The following MAU2 variants were observed in gnomAD, a reference collection of about 807,000 sequenced individuals.
MAU2 encodes MAU2 chromatid cohesion factor homolog.
A neutral mutation model predicts 89.1 loss-of-function variants in MAU2; 9 were observed. The observed-to-expected ratio is 0.10, with a 90% CI of 0.06 to 0.18. MAU2 has a LOEUF of 0.18. Among genes scored for constraint, MAU2 ranks in the 10% least tolerant of loss-of-function variants. The pLI, the probability that MAU2 is intolerant of heterozygous loss-of-function variation, is 1.00. For missense variants in MAU2, 425 were observed against 803.5 expected (o/e 0.53, Z 5.69); for synonymous variants, 357 against 343.4 (o/e 1.04, Z -0.44).
chr19:19,355,025 C>G, intron 17 of MAU2: 1 of 475,482 alleles, frequency 2.1e-6, no homozygotes, highest in Non-Finnish European at 3.8e-6. Context: ...CCCTGGAGGG[C>G]TGGCGAGAAG....
At position 19,357,949 on chromosome 19, in the gene MAU2, G is replaced by T. The variant is rs1404295387; in HGVS notation, c.*2167G>T. 6.6e-6 allele frequency: 1 copy of T among 152,040 alleles called. No homozygotes were observed. The highest frequency in any genetic ancestry group is 2.4e-5 in the African/African-American group (1 of 41,376). 9.4% of individuals were successfully genotyped at this position (152,040 alleles called of 1,614,324 possible). On this transcript the variant is annotated 3_prime_UTR_variant, in exon 19 of 19. Coordinates refer to ENST00000262815, the MANE Select transcript of MAU2 (RefSeq NM_015329.4). ...TGCAAGAATAGAGGCCAGACACGGT[G>T]GCGCATGCCTGTAGTCCCAGCTAAC...
rs970396608 is a variant in MAU2, at chr19:19,340,975, C to T, written c.579+102C>T. 11 of 1,487,916 alleles carry T rather than the reference C, an allele frequency of 7.4e-6. No homozygotes were observed. The African/African-American group carries it at 9.7e-5, about 13-fold the overall frequency. The allele number at this position is 1,487,916 out of a possible 1,614,324, so 92.2% of individuals were successfully genotyped here. A position where few individuals can be genotyped will look rare whatever the true frequency, so the allele number is the denominator to read the frequency against. On this transcript the variant is annotated intron_variant, in intron 6 of 18. Transcript: ENST00000262815. ...ACCCCACCCACTCTCCATGGCATGG[C>T]CCCTTAGGCGCCCAGACCCTTAGGC...
intron 4 of MAU2, among the ~76,000 whole-genome samples, chr19:19,338,298 G>A (rs1308728363): frequency 6.6e-6 from 1 of 152,242 alleles, no homozygotes; most frequent in Admixed American, 6.5e-5. Context: ...CAGGCCGTGA[G>A]TCACCTCCCC....
chr19:19,325,237 G>A (rs930815600), intron 1 of MAU2, among the ~76,000 whole-genome samples: 3 of 152,016 alleles, frequency 2.0e-5, no homozygotes, highest in Non-Finnish European at 4.4e-5. Flanking sequence ...GTGCAATGGC[G>A]CAATCTTGGC....
Position 19,354,372 on chromosome 19 carries a change from G to A in MAU2, c.1566G>A (p.Val522=), listed in dbSNP as rs2048153361. Residue 522 remains valine, a synonymous_variant, in exon 17 of 19, where the codon GTG becomes GTA. Transcript: ENST00000262815. ...GTTGACAGGAGAGTAACAACATGGTGGTGCCTGCCATGCAGCTCGCCAGCA... is the reference window on the plus strand; with the variant it reads ...GTTGACAGGAGAGTAACAACATGGTAGTGCCTGCCATGCAGCTCGCCAGCA... ...LGNHRESNNM[V]VPAMQLASKI... is the part of the protein sequence containing the mutation. The A allele has an allele frequency of 6.2e-7, 1 of 1,613,866 alleles. No homozygotes were observed. The highest frequency in any genetic ancestry group is 1.1e-5 in the South Asian group (1 of 91,086).
chr19:19,341,029 G>A (rs911094758), intron 6 of MAU2, among the ~76,000 whole-genome samples, 156 bp downstream of exon 6: 4 of 152,170 alleles, frequency 2.6e-5, no homozygotes, highest in Admixed American at 6.5e-5. Context: ...TGTGAGGCCC[G>A]GGCCCTGCTG....
chr19:19,335,041 G>A (rs774101930), intron 1 of MAU2, among the ~76,000 whole-genome samples: 16 of 152,186 alleles, frequency 1.1e-4, no homozygotes, highest in Non-Finnish European at 1.9e-4. Flanking sequence ...CAGTGGCCTG[G>A]ACTAGCCTGG....
chr19:19,342,272 C>G lies in MAU2; in HGVS notation c.736-263C>G, dbSNP rs1026316527. On this transcript the variant is annotated intron_variant, in intron 7 of 18. Transcript: ENST00000262815. ...CAGCTCCAGCAGGGTCTGGATAGGCCTCTCCTGGGCCTTGGTGTTGGACCC... is the reference window on the plus strand; with the variant it reads ...CAGCTCCAGCAGGGTCTGGATAGGCGTCTCCTGGGCCTTGGTGTTGGACCC... 2.0e-5 allele frequency among the ~76,000 whole-genome samples: 3 copies of G among 152,180 alleles called. No individual in the cohort carries two copies. In the East Asian group the frequency reaches 5.8e-4, roughly 29 times the overall value.
chr19:19,342,404 C>T (rs2061657633), intron 7 of MAU2, 131 bp from the exon 8 acceptor site: 3 of 1,190,180 alleles, frequency 2.5e-6, no homozygotes, highest in Non-Finnish European at 3.4e-6. Context: ...GCGGCTTCAT[C>T]TTGCAGGAGG....
intron 1 of MAU2, among the ~76,000 whole-genome samples, chr19:19,329,975 A>T (rs540356175): frequency 6.6e-6 from 1 of 150,608 alleles, no homozygotes; most frequent in East Asian, 2.0e-4. Context: ...TTATTTATTT[A>T]TTTATTTATT....
intron 9 of MAU2, among the ~76,000 whole-genome samples, 194 bp downstream of exon 9, chr19:19,343,060 G>A (rs1267586914): frequency 3.3e-5 from 5 of 152,172 alleles, no homozygotes; most frequent in Admixed American, 3.3e-4. Context: ...GCCTGGGGTC[G>A]GGGGTACCTC....
Position 19,320,927 on chromosome 19 carries a change from A to G in MAU2, c.68A>G (p.Asp23Gly). 1 of 1,565,468 alleles carries G rather than the reference A, an allele frequency of 6.4e-7. No homozygotes were observed. The highest frequency in any genetic ancestry group is 1.2e-5 in the South Asian group (1 of 85,594). ...AAQAAQAEAADSWYLALLGFA... is the reference protein window; with the variant it reads ...AAQAAQAEAAGSWYLALLGFA... ...CAGGCTGCGCAGGCCGAGGCGGCCG[A>G]CTCGTGGTACCTGGCGCTTCTGGGC... The change falls in exon 1 of 19, where the codon GAC becomes GGC. Residue 23 changes from aspartate (D) to glycine (G), a missense_variant. By Grantham distance (94) the Asp-to-Gly change is moderately conservative. Around this residue, in one of 11 missense-constraint regions of MAU2, gnomAD observed 61 missense variants for 40.1 expected, o/e 1.52. Coordinates refer to ENST00000262815, the MANE Select transcript of MAU2 (RefSeq NM_015329.4).
At chr19:19,332,792 C>T (rs893744405) in intron 1 of MAU2, among the ~76,000 whole-genome samples, 3 of 152,132 alleles carry the variant, frequency 2.0e-5, no homozygotes, top group African/African-American at 7.2e-5. Context: ...GAAGAGATGT[C>T]TTGGCCAGCC....
Position 19,329,843 on chromosome 19 carries a change from C to G in MAU2, c.277-5875C>G, listed in dbSNP as rs1221641112. ...TAGCCACACATGCCTATAGTCCCAG[C>G]TACTTGGGAGGCTGAAGTAGGAGGA... is the stretch of plus-strand genomic sequence containing the variant. On this transcript the variant is annotated intron_variant, in intron 1 of 18. Coordinates refer to ENST00000262815, the MANE Select transcript of MAU2 (RefSeq NM_015329.4). Among the ~76,000 whole-genome samples, 4 of 151,756 alleles carry G rather than the reference C, an allele frequency of 2.6e-5. No homozygotes were observed. In the East Asian group the frequency reaches 7.7e-4, roughly 29 times the overall value.
intron 5 of MAU2, among the ~76,000 whole-genome samples, chr19:19,340,642 A>T (rs1781798613): frequency 1.3e-5 from 2 of 152,196 alleles, no homozygotes; most frequent in Admixed American, 6.5e-5. Context: ...CCGTCTCAAA[A>T]AAATAAATAA....
intron 10 of MAU2, 175 bp downstream of exon 10, chr19:19,344,115 A>T: frequency 1.7e-6 from 1 of 603,348 alleles, no homozygotes. Flanking sequence ...AGAATCTCAT[A>T]CAAAAACCAG....
At chr19:19,347,087 G>T in intron 12 of MAU2, 193 bp from the exon 13 acceptor site, 1 of 568,988 alleles carries the variant, frequency 1.8e-6, no homozygotes. Flanking sequence ...CCGTAACGCA[G>T]ATGATGGTTT....
chr19:19,334,640 AG>A (rs1421616307), intron 1 of MAU2: 2 of 978,382 alleles, frequency 2.0e-6, no homozygotes, highest in Non-Finnish European at 2.4e-6. Flanking sequence ...GTCAGCTTCC[AG>A]GGGTGACACC....
intron 1 of MAU2, 83 bp from the exon 2 acceptor site, chr19:19,335,635 A>C (rs1599901986): frequency 7.0e-7 from 1 of 1,431,498 alleles, no homozygotes; most frequent in Non-Finnish European, 9.9e-7. Flanking sequence ...TCTCAGGACA[A>C]CCTGTGGAAG....
Sources: gnomAD v4.1 joint callset for allele counts (sites outside exome capture counted in the v4.1 genomes callset) on GRCh38, gnomAD v4.1.1 for gene constraint, gnomAD v4.1.1 regional missense constraint, MANE v1.5 for transcripts, NCBI Gene and HGNC (gene_info 2026-07-23, HGNC 2026-07-21) for gene names.